TANC2: variants seen among roughly 807,000 people sequenced by gnomAD.
The protein encoded by TANC2 is tetratricopeptide repeat, ankyrin repeat and coiled-coil containing 2, also known as protein TANC2.
TANC2 carries 26 observed loss-of-function variants against 210.5 expected under a neutral mutation model. That is an observed-to-expected ratio of 0.12 (90% CI 0.09 to 0.17). The LOEUF is 0.17. Among genes scored for constraint, TANC2 ranks in the 10% least tolerant of loss-of-function variants. The pLI is 1.00. For missense variants in TANC2, 2,129 were observed against 2,608.9 expected (o/e 0.82, Z 4.01); for synonymous variants, 931 against 967.1 (o/e 0.96, Z 0.69).
intron 11 of TANC2, among the ~76,000 whole-genome samples, chr17:63,326,406 T>C (rs1249704375): frequency 6.6e-6 from 1 of 152,114 alleles, no homozygotes; most frequent in East Asian, 1.9e-4. Context: ...AATGAAACCA[T>C]GCAACTAATG....
intron 8 of TANC2, among the ~76,000 whole-genome samples, chr17:63,252,130 A>G (rs1443291550): frequency 6.6e-6 from 1 of 152,178 alleles, no homozygotes; most frequent in Non-Finnish European, 1.5e-5. Context: ...ATTTAATTGG[A>G]ATATGTACTC....
chr17:63,321,686 T>TA (rs899635959), intron 11 of TANC2, among the ~76,000 whole-genome samples: 6 of 152,164 alleles, frequency 3.9e-5, no homozygotes, highest in Non-Finnish European at 8.8e-5. Context: ...GCTTCACTGT[T>TA]CACTATCAGA....
chr17:63,224,043 T>G (rs2042264602), intron 7 of TANC2, among the ~76,000 whole-genome samples: 1 of 152,140 alleles, frequency 6.6e-6, no homozygotes, highest in Admixed American at 6.5e-5. Context: ...CCTAGACCAG[T>G]GAATTCTGGT....
intron 4 of TANC2, among the ~76,000 whole-genome samples, chr17:63,132,798 A>G (rs1025182999): frequency 1.3e-5 from 2 of 152,338 alleles, no homozygotes; most frequent in African/African-American, 2.4e-5. Flanking sequence ...TAGCAACTGC[A>G]CATTCCAGCA....
intron 8 of TANC2, among the ~76,000 whole-genome samples, chr17:63,243,992 A>C (rs533611324): frequency 1.1e-3 from 161 of 152,300 alleles, no homozygotes; most frequent in African/African-American, 3.7e-3. Flanking sequence ...AGAAACAAAA[A>C]AGTCAGAGCC....
At chr17:63,291,242 AAAGATGGC>A (rs1445073850) in intron 9 of TANC2, among the ~76,000 whole-genome samples, 7 of 152,220 alleles carry the variant, frequency 4.6e-5, no homozygotes, top group Non-Finnish European at 1.0e-4. Flanking sequence ...TGTGTTCCTG[AAAGATGGC>A]AAACAAATGA....
chr17:63,177,653 G>T (rs185935577), intron 5 of TANC2, among the ~76,000 whole-genome samples: 2 of 152,196 alleles, frequency 1.3e-5, no homozygotes. Context: ...GGTTGAAATG[G>T]CTCTGATTCG....
chr17:63,245,864 C>T (rs144381188), intron 8 of TANC2, among the ~76,000 whole-genome samples: 1 of 148,536 alleles, frequency 6.7e-6, no homozygotes, highest in Non-Finnish European at 1.5e-5. Flanking sequence ...AAAAAAATTA[C>T]CTGTGCATGG....
intron 8 of TANC2, among the ~76,000 whole-genome samples, chr17:63,249,475 G>A (rs1379683872): frequency 6.6e-6 from 1 of 152,144 alleles, no homozygotes; most frequent in Non-Finnish European, 1.5e-5. Flanking sequence ...TGGGAAGCAG[G>A]AAATGTTTGC....
chr17:63,154,386 A>C (rs949445890), intron 5 of TANC2: 6 of 152,192 alleles, frequency 3.9e-5, no homozygotes, highest in Non-Finnish European at 8.8e-5. Context: ...ATTTAAAAGC[A>C]GAAAATTCAG....
chr17:63,179,326 C>T (rs1195980424), intron 5 of TANC2, among the ~76,000 whole-genome samples: 1 of 152,112 alleles, frequency 6.6e-6, no homozygotes, highest in Admixed American at 6.5e-5. Context: ...AACATAGGCT[C>T]AAGAACCAGA....
chr17:63,361,922 C>A (rs553871804), intron 14 of TANC2, among the ~76,000 whole-genome samples: 2 of 152,340 alleles, frequency 1.3e-5, no homozygotes, highest in South Asian at 4.1e-4. Flanking sequence ...AGAGAGGAGA[C>A]CTGGATTGAG....
rs186607014 is a variant in TANC2, at chr17:63,261,688, A to G, written c.1034-6060A>G. ...ATGCTGATAGGAACAGGAAGGGGCA[A>G]ATTATTTCTCCAGTAACCTTAACAA... On this transcript the variant is annotated intron_variant, in intron 8 of 27. Coordinates refer to ENST00000689528, the Ensembl canonical transcript of TANC2. Among the ~76,000 whole-genome samples, 14 of 152,330 alleles carry G rather than the reference A, an allele frequency of 9.2e-5. No individual in the cohort carries two copies. The East Asian group carries it at 2.3e-3, about 25-fold the overall frequency.
rs1302970208 is a variant in TANC2 at position 63,086,259 on chromosome 17, G to A, written c.139+12245G>A. Among the ~76,000 whole-genome samples the A allele has an allele frequency of 8.6e-5, 13 of 151,982 alleles. No homozygotes were observed. The East Asian group carries it at 2.5e-3, about 29-fold the overall frequency. On this transcript the variant is annotated intron_variant, in intron 3 of 27. Transcript: ENST00000689528. Reference sequence around the variant, plus strand: ...GAGTACTCGGAGCTTTCTGGTCTATGGTTTGGTATCTGACATTAATTTGGG... The same window carrying A: ...GAGTACTCGGAGCTTTCTGGTCTATAGTTTGGTATCTGACATTAATTTGGG...
intron 6 of TANC2, among the ~76,000 whole-genome samples, chr17:63,198,216 G>A (rs2041410529): frequency 6.7e-6 from 1 of 149,162 alleles, no homozygotes; most frequent in South Asian, 2.1e-4. Flanking sequence ...TTTTTTTTGA[G>A]ACAGAGTCTC....
intron 4 of TANC2, among the ~76,000 whole-genome samples, chr17:63,121,973 G>A (rs1288527851): frequency 6.6e-6 from 1 of 151,468 alleles, no homozygotes; most frequent in African/African-American, 2.4e-5. Context: ...TCTCTTGCGG[G>A]GGGAGGGGGG....
chr17:63,199,411 G>T (rs2041454707), intron 6 of TANC2, among the ~76,000 whole-genome samples: 1 of 151,994 alleles, frequency 6.6e-6, no homozygotes, highest in Non-Finnish European at 1.5e-5. Flanking sequence ...ACACATTCAG[G>T]AGTTCAAGAC....
chr17:63,053,720 C>T lies in TANC2; in HGVS notation c.68-20223C>T, dbSNP rs562090164. ...ACTTAGTATTTCCAAAACTGAACTC[C>T]GCATAGTCTCCTCATCCCCAAATCA... On this transcript the variant is annotated intron_variant, in intron 2 of 27. Transcript: ENST00000689528. Among the ~76,000 whole-genome samples, 31 of 152,302 alleles carry T rather than the reference C, an allele frequency of 2.0e-4. No individual in the cohort carries two copies. The South Asian group carries it at 6.4e-3, about 32-fold the overall frequency.
intron 15 of TANC2, among the ~76,000 whole-genome samples, chr17:63,387,066 T>A (rs2047806799): frequency 6.6e-6 from 1 of 152,064 alleles, no homozygotes; most frequent in Admixed American, 6.6e-5. Context: ...ATTTCCCTGG[T>A]CTCAAGCTCC....
Sources: gnomAD v4.1 joint callset for allele counts (sites outside exome capture counted in the v4.1 genomes callset) on GRCh38, gnomAD v4.1.1 for gene constraint, MANE v1.5 for transcripts, NCBI Gene and HGNC (gene_info 2026-07-23, HGNC 2026-07-21) for gene names.